Variants in STAC observed in about 807,000 individuals in gnomAD.
STAC encodes the protein SH3 and cysteine rich domain.
In STAC, 43 loss-of-function variants were observed where a neutral mutation model predicts 48.8. That is an observed-to-expected ratio of 0.88 (90% CI 0.69 to 1.14). STAC has a LOEUF of 1.14. Ranked by LOEUF, STAC falls within the 50% of genes most tolerant of loss-of-function variation. The pLI is 0.00. For synonymous variants in STAC, 193 were observed against 179.5 expected (o/e 1.07, Z -0.60); for missense variants, 497 against 504.0 (o/e 0.99, Z 0.13).
At chr3:36,408,184 T>C (rs1700121891) in intron 1 of STAC, among the ~76,000 whole-genome samples, 1 of 152,202 alleles carries the variant, frequency 6.6e-6, no homozygotes, top group East Asian at 1.9e-4. Context: ...ACTTTTCCCA[T>C]ACGATGTAAG....
chr3:36,465,508 G>C (rs1390016675), intron 2 of STAC, among the ~76,000 whole-genome samples: 6 of 152,038 alleles, frequency 3.9e-5, no homozygotes, highest in Non-Finnish European at 5.9e-5. Flanking sequence ...ATTTGCTTTT[G>C]GGTTCTTGGT....
chr3:36,491,624 C>G (rs1311260238), intron 5 of STAC, among the ~76,000 whole-genome samples: 3 of 151,962 alleles, frequency 2.0e-5, no homozygotes, highest in Non-Finnish European at 4.4e-5. Flanking sequence ...AAATCAGTCT[C>G]TGGAGGGTGG....
chr3:36,415,159 A>C (rs1700290465), intron 1 of STAC, among the ~76,000 whole-genome samples: 1 of 152,190 alleles, frequency 6.6e-6, no homozygotes, highest in Non-Finnish European at 1.5e-5. Context: ...TCGGATCTCA[A>C]GCTGCGTACT....
intron 2 of STAC, among the ~76,000 whole-genome samples, chr3:36,477,989 C>G (rs1194065130): frequency 1.3e-5 from 2 of 152,202 alleles, no homozygotes; most frequent in Non-Finnish European, 2.9e-5. Flanking sequence ...GAAAGTTCTA[C>G]AACAGAAACT....
At chr3:36,515,924 GC>G (rs1486183525) in intron 8 of STAC, among the ~76,000 whole-genome samples, 2 of 151,428 alleles carry the variant, frequency 1.3e-5, no homozygotes, top group Admixed American at 1.3e-4. Flanking sequence ...AAAAAGGAAG[GC>G]AGTTGTTGCG....
intron 8 of STAC, among the ~76,000 whole-genome samples, chr3:36,513,318 A>C (rs1033646292): frequency 6.6e-6 from 1 of 152,190 alleles, no homozygotes; most frequent in African/African-American, 2.4e-5. Context: ...TTAGGATGAA[A>C]GATGTCAACC....
intron 1 of STAC, among the ~76,000 whole-genome samples, chr3:36,427,048 C>T (rs1280941676): frequency 6.6e-6 from 1 of 152,242 alleles, no homozygotes; most frequent in Non-Finnish European, 1.5e-5. Context: ...TAAGGCCTAA[C>T]CCTTGGGTTG....
chr3:36,482,949 T>G, intron 2 of STAC, 43 bp from the exon 3 acceptor site: 1 of 1,385,726 alleles, frequency 7.2e-7, no homozygotes. Flanking sequence ...CAGCAGGAAA[T>G]GGCAGGTTGT....
intron 2 of STAC, among the ~76,000 whole-genome samples, chr3:36,453,395 G>A (rs562767662): frequency 4.6e-5 from 7 of 152,214 alleles, no homozygotes; most frequent in African/African-American, 1.4e-4. Context: ...GCGGGCCAGC[G>A]TGAGTTCCGG....
At chr3:36,525,461 T>A (rs925095358) in intron 8 of STAC, among the ~76,000 whole-genome samples, 3 of 151,796 alleles carry the variant, frequency 2.0e-5, no homozygotes, top group Non-Finnish European at 4.4e-5. Context: ...CAAGAGTGAG[T>A]CTCTCAGTAG....
chr3:36,469,301 C>T (rs2125690110), intron 2 of STAC, among the ~76,000 whole-genome samples: 1 of 152,186 alleles, frequency 6.6e-6, no homozygotes, highest in East Asian at 1.9e-4. Flanking sequence ...TAATTCTCAG[C>T]ATTTGTTTGC....
chr3:36,484,224 C>T (rs1462840722), intron 3 of STAC, among the ~76,000 whole-genome samples: 1 of 152,144 alleles, frequency 6.6e-6, no homozygotes, highest in Non-Finnish European at 1.5e-5. Flanking sequence ...TCCTTCACCC[C>T]CTCCCATCAC....
chr3:36,478,399 C>T (rs535152949), intron 2 of STAC, among the ~76,000 whole-genome samples: 1 of 152,286 alleles, frequency 6.6e-6, no homozygotes, highest in South Asian at 2.1e-4. Context: ...ACTTCCTAAA[C>T]ATTTCATGTA....
intron 2 of STAC, among the ~76,000 whole-genome samples, chr3:36,472,406 T>C (rs937544776): frequency 6.6e-6 from 1 of 152,252 alleles, no homozygotes; most frequent in African/African-American, 2.4e-5. Context: ...GAATTAACAC[T>C]GGGATCCTTG....
At chr3:36,412,948 G>A (rs1213205100) in intron 1 of STAC, among the ~76,000 whole-genome samples, 1 of 152,184 alleles carries the variant, frequency 6.6e-6, no homozygotes, top group Admixed American at 6.5e-5. Flanking sequence ...TAGTCATTCA[G>A]GAGCAGGTTG....
rs145081976 is a variant in STAC at position 36,438,437 on chromosome 3, T to G, written c.112-4927T>G. On this transcript the variant is annotated intron_variant, in intron 1 of 10. Coordinates refer to ENST00000273183, the MANE Select transcript of STAC (RefSeq NM_003149.3). ...AATCATTTTGTAACATCTGTAACAT[T>G]TTGTAACATCAGGGTTTGCTTCTAT... Among the ~76,000 whole-genome samples, 19 of 152,310 alleles carry G rather than the reference T, an allele frequency of 1.2e-4. No individual in the cohort carries two copies. In the East Asian group the frequency reaches 3.5e-3, roughly 28 times the overall value.
chr3:36,511,217 T>A (rs967881015), intron 8 of STAC, among the ~76,000 whole-genome samples: 2 of 152,284 alleles, frequency 1.3e-5, no homozygotes, highest in African/African-American at 2.4e-5. Flanking sequence ...AAGCAATTTA[T>A]AAACATCTCA....
chr3:36,477,511 T>C (rs1465839402), intron 2 of STAC, among the ~76,000 whole-genome samples: 1 of 152,168 alleles, frequency 6.6e-6, no homozygotes, highest in Admixed American at 6.5e-5. Flanking sequence ...TGCTATTTAG[T>C]GTAGTAGGTT....
intron 2 of STAC, among the ~76,000 whole-genome samples, chr3:36,476,656 C>T (rs1314522367): frequency 3.3e-5 from 5 of 152,184 alleles, no homozygotes; most frequent in African/African-American, 1.2e-4. Context: ...ATAGAGCTAA[C>T]TGCATTATTA....
Sources: gnomAD v4.1 joint callset for allele counts (sites outside exome capture counted in the v4.1 genomes callset) on GRCh38, gnomAD v4.1.1 for gene constraint, MANE v1.5 for transcripts, NCBI Gene and HGNC (gene_info 2026-07-23, HGNC 2026-07-21) for gene names.